Variants in LINGO2 observed in about 807,000 individuals in gnomAD.
The protein encoded by LINGO2 is leucine-rich repeat and immunoglobulin-like domain-containing nogo receptor-interacting protein 2.
Under a neutral mutation model 30.6 loss-of-function variants are expected in LINGO2, and 14 were observed. The ratio of observed to expected loss-of-function variants is 0.46; its 90% confidence interval spans 0.30 to 0.72. LINGO2 has a LOEUF of 0.72. LINGO2 is among the 30% of genes least tolerant of loss of function. The pLI is 0.07. For synonymous variants in LINGO2, 317 were observed against 288.5 expected, an observed-to-expected ratio of 1.10 and a Z score of -1.00; for missense variants, 729 against 751.7, an observed-to-expected ratio of 0.97 and a Z score of 0.35.
chr9:28,792,334 C>T, the LINGO2 span, among the ~76,000 whole-genome samples: 2 of 151,808 alleles, frequency 1.3e-5, no homozygotes, highest in African/African-American at 4.8e-5. Flanking sequence ...AACCATAAAT[C>T]CCCGAATCGA....
At chr9:28,234,495 C>A (rs1821487152) in intron 4 of LINGO2, among the ~76,000 whole-genome samples, 1 of 152,140 alleles carries the variant, frequency 6.6e-6, no homozygotes, top group South Asian at 2.1e-4. Flanking sequence ...AGTCAGTGGA[C>A]TGGGAGAGGC....
intron 2 of LINGO2, among the ~76,000 whole-genome samples, chr9:28,456,371 A>C (rs932598703): frequency 6.6e-6 from 1 of 152,190 alleles, no homozygotes; most frequent in Non-Finnish European, 1.5e-5. Context: ...CAGCCTCCCA[A>C]GACTTTTCTC....
chr9:28,629,118 G>T (rs767693252), intron 1 of LINGO2, among the ~76,000 whole-genome samples: 1 of 152,056 alleles, frequency 6.6e-6, no homozygotes, highest in Non-Finnish European at 1.5e-5. Context: ...ACTAGTATGA[G>T]ACCATGAGAA....
the LINGO2 span, among the ~76,000 whole-genome samples, chr9:29,144,200 A>T: frequency 1.2e-4 from 19 of 152,294 alleles, no homozygotes; most frequent in African/African-American, 4.1e-4. Flanking sequence ...GTCAGGTAGC[A>T]TAATGCCTCC....
At chr9:29,060,764 A>C in the LINGO2 span, among the ~76,000 whole-genome samples, 2 of 152,006 alleles carry the variant, frequency 1.3e-5, no homozygotes, top group Non-Finnish European at 2.9e-5. Context: ...ATTAAAAAAA[A>C]CTTACAGGAT....
At chr9:29,048,764 G>T in the LINGO2 span, among the ~76,000 whole-genome samples, 1 of 152,070 alleles carries the variant, frequency 6.6e-6, no homozygotes, top group Admixed American at 6.5e-5. Flanking sequence ...AAATCCATAT[G>T]CAGAAAAATA....
chr9:29,160,203 T>C, the LINGO2 span, among the ~76,000 whole-genome samples: 4 of 152,190 alleles, frequency 2.6e-5, no homozygotes, highest in Non-Finnish European at 4.4e-5. Flanking sequence ...ATCTTGCAGA[T>C]ACTGCTGATC....
chr9:28,466,791 T>G (rs1415983024), intron 2 of LINGO2, among the ~76,000 whole-genome samples: 1 of 152,210 alleles, frequency 6.6e-6, no homozygotes, highest in Non-Finnish European at 1.5e-5. Flanking sequence ...AAGTGTGACT[T>G]TAACTCAAAG....
At chr9:29,091,118 T>A in the LINGO2 span, among the ~76,000 whole-genome samples, 1 of 152,102 alleles carries the variant, frequency 6.6e-6, no homozygotes, top group African/African-American at 2.4e-5. Flanking sequence ...ATGATATTGG[T>A]TGAAATTTAG....
chr9:28,904,939 G>A, the LINGO2 span, among the ~76,000 whole-genome samples: 1 of 151,906 alleles, frequency 6.6e-6, no homozygotes, highest in Admixed American at 6.6e-5. Context: ...CACTGACCAA[G>A]GAAACACAAC....
At chr9:28,989,959 G>A in the LINGO2 span, among the ~76,000 whole-genome samples, 899 of 152,298 alleles carry the variant, frequency 5.9e-3, 9 homozygotes, top group African/African-American at 0.021. Flanking sequence ...CTCCCAGCGT[G>A]AGCGACGCAG....
intron 4 of LINGO2, among the ~76,000 whole-genome samples, chr9:28,183,876 A>C (rs549712577): frequency 1.3e-5 from 2 of 152,234 alleles, no homozygotes; most frequent in Non-Finnish European, 2.9e-5. Flanking sequence ...AGAGAGGAAT[A>C]GGTTTGGAAT....
chr9:29,052,762 G>A, the LINGO2 span, among the ~76,000 whole-genome samples: 3 of 151,998 alleles, frequency 2.0e-5, no homozygotes, highest in Non-Finnish European at 2.9e-5. Context: ...CCAGGCCACC[G>A]GTACTACCAG....
intron 3 of LINGO2, among the ~76,000 whole-genome samples, chr9:28,315,600 A>C (rs999788638): frequency 2.0e-4 from 31 of 152,156 alleles, no homozygotes; most frequent in African/African-American, 5.8e-4. Flanking sequence ...TCTAGGTTTT[A>C]ATAAAAAGAA....
intron 4 of LINGO2, among the ~76,000 whole-genome samples, chr9:28,261,201 T>C (rs1822552896): frequency 6.6e-6 from 1 of 151,956 alleles, no homozygotes; most frequent in Non-Finnish European, 1.5e-5. Flanking sequence ...ATTAAAATGA[T>C]AAGCATAACA....
the LINGO2 span, among the ~76,000 whole-genome samples, chr9:28,895,487 T>TG: frequency 6.6e-6 from 1 of 152,182 alleles, no homozygotes; most frequent in Non-Finnish European, 1.5e-5. Context: ...TCGTATCACC[T>TG]GTGTTATTAA....
intron 1 of LINGO2, among the ~76,000 whole-genome samples, chr9:28,552,321 T>C (rs1822332690): frequency 6.6e-6 from 1 of 151,996 alleles, no homozygotes; most frequent in African/African-American, 2.4e-5. Context: ...CTAAAACATC[T>C]TCCAGTAACA....
intron 2 of LINGO2, among the ~76,000 whole-genome samples, chr9:28,412,790 C>CA (rs1564183984): frequency 6.6e-6 from 1 of 151,856 alleles, no homozygotes; most frequent in Non-Finnish European, 1.5e-5. Context: ...AATTTTAACT[C>CA]ACCTTAAATG....
chr9:28,993,042 C>CA, the LINGO2 span, among the ~76,000 whole-genome samples: 4 of 151,880 alleles, frequency 2.6e-5, no homozygotes, highest in African/African-American at 7.3e-5. Flanking sequence ...AATAGAGACA[C>CA]AAAAAACCCT....
Sources: gnomAD v4.1 joint callset for allele counts (sites outside exome capture counted in the v4.1 genomes callset) on GRCh38, gnomAD v4.1.1 for gene constraint, MANE v1.5 for transcripts, NCBI Gene and HGNC (gene_info 2026-07-23, HGNC 2026-07-21) for gene names.